PPP4R1: variants seen among roughly 807,000 people sequenced by gnomAD.
PPP4R1 encodes the protein serine/threonine-protein phosphatase 4 regulatory subunit 1.
Under a neutral mutation model 111.2 loss-of-function variants are expected in PPP4R1, and 42 were observed. The observed-to-expected ratio is 0.38, with a 90% CI of 0.29 to 0.49. The LOEUF (loss-of-function observed/expected upper bound fraction) is 0.49. Among genes scored for constraint, PPP4R1 ranks in the 20% least tolerant of loss-of-function variants. The pLI, the probability that PPP4R1 is intolerant of heterozygous loss-of-function variation, is 0.97. For missense variants in PPP4R1, 1,012 were observed against 1,161.6 expected, an observed-to-expected ratio of 0.87 and a Z score of 1.87; for synonymous variants, 409 against 405.5, an observed-to-expected ratio of 1.01 and a Z score of -0.10.
chr18:9,611,338 G>A (rs986608268), intron 2 of PPP4R1, among the ~76,000 whole-genome samples: 1 of 152,012 alleles, frequency 6.6e-6, no homozygotes, highest in Admixed American at 6.6e-5. Flanking sequence ...GATAACAACC[G>A]TGTTATAAGG....
chr18:9,549,368 T>C (rs2144957861), intron 18 of PPP4R1, 30 bp from the exon 19 acceptor site: 1 of 1,568,014 alleles, frequency 6.4e-7, no homozygotes, highest in East Asian at 2.3e-5. Context: ...GCTCTAGGCT[T>C]CTCTGTCAAT....
chr18:9,606,938 A>G (rs1461087231), intron 2 of PPP4R1, among the ~76,000 whole-genome samples: 1 of 152,162 alleles, frequency 6.6e-6, no homozygotes, highest in African/African-American at 2.4e-5. Context: ...CTTTTTTCCC[A>G]CAGGTAATCC....
In PPP4R1 at chr18:9,602,778, G is replaced by A. The variant is rs115502390; in HGVS notation, c.53-7625C>T. ...GGAAGTTGCAGCGAGCTGAAATCGC[G>A]CCACTGCACTCCAACCTGGGCGACG... On this transcript the variant is annotated intron_variant, in intron 2 of 19. Transcript: ENST00000400556. Among the ~76,000 whole-genome samples the A allele has an allele frequency of 9.2e-3, 1,360 of 147,244 alleles. 20 individuals carry two copies. Among genetic ancestry groups the A allele is most frequent in the African/African-American group, 0.033 (1,268 of 38,460 alleles).
chr18:9,552,931 A>G (rs2066512157), intron 16 of PPP4R1, among the ~76,000 whole-genome samples: 1 of 152,220 alleles, frequency 6.6e-6, no homozygotes. Flanking sequence ...CTCCACTTGC[A>G]TGAAATGTCC....
In PPP4R1 at chr18:9,570,177, A is replaced by G. The variant is rs1477889540; in HGVS notation, c.1553T>C (p.Ile518Thr). ...EEMIENLEPHIDDPDVKAQVE... is the reference protein window; with the variant it reads ...EEMIENLEPHTDDPDVKAQVE... ...CATACCTTTAACATCTGGATCATCA[A>G]TGTGGGGCTCTAGATTTTCTATCAT... is the stretch of plus-strand genomic sequence containing the variant. The change falls in exon 11 of 20, where the codon ATT becomes ACT. Residue 518 changes from isoleucine to threonine, a missense_variant. Coordinates refer to ENST00000400556, the MANE Select transcript of PPP4R1 (RefSeq NM_001042388.3). 6 of 1,527,716 alleles carry G rather than the reference A, an allele frequency of 3.9e-6. No homozygotes were observed. The Admixed American group carries it at 6.7e-5, about 17-fold the overall frequency. The allele number at this position is 1,527,716 out of a possible 1,614,324, so 94.6% of individuals were successfully genotyped here. A position where few individuals can be genotyped will look rare whatever the true frequency, so the allele number is the denominator to read the frequency against.
Position 9,588,075 on chromosome 18 carries a change from G to T in PPP4R1, c.585+14C>A. On this transcript the variant is annotated intron_variant, in intron 6 of 19. Coordinates refer to ENST00000400556, the MANE Select transcript of PPP4R1 (RefSeq NM_001042388.3). ...CCACATTTTGCATAAGTGGAAAAAT[G>T]GCATTTGACTTACAGCCACAGCTTC... 1 of 1,613,118 alleles carries T rather than the reference G, an allele frequency of 6.2e-7. No homozygotes were observed. Among genetic ancestry groups the T allele is most frequent in the Non-Finnish European group, 8.5e-7 (1 of 1,179,616 alleles).
intron 2 of PPP4R1, among the ~76,000 whole-genome samples, chr18:9,603,383 T>A (rs1464853496): frequency 1.3e-5 from 2 of 152,184 alleles, no homozygotes; most frequent in African/African-American, 2.4e-5. Flanking sequence ...GATGCCTTTT[T>A]GATAAAATGT....
chr18:9,560,019 C>A (rs1014005446), intron 13 of PPP4R1, among the ~76,000 whole-genome samples: 2 of 152,118 alleles, frequency 1.3e-5, no homozygotes, highest in African/African-American at 4.8e-5. Flanking sequence ...ACCAGCCAGG[C>A]ACAGTGGCTC....
At chr18:9,609,745 T>C (rs2067545789) in intron 2 of PPP4R1, among the ~76,000 whole-genome samples, 1 of 152,236 alleles carries the variant, frequency 6.6e-6, no homozygotes, top group Admixed American at 6.5e-5. Context: ...GCATCCCAGA[T>C]TAATTTTCAA....
intron 18 of PPP4R1, among the ~76,000 whole-genome samples, chr18:9,549,635 G>GT (rs1178223794): frequency 2.6e-5 from 4 of 152,186 alleles, no homozygotes; most frequent in Admixed American, 2.6e-4. Context: ...CCGTGGTATG[G>GT]TATATGTGTG....
At chr18:9,611,178 T>C (rs2067573184) in intron 2 of PPP4R1, among the ~76,000 whole-genome samples, 1 of 152,168 alleles carries the variant, frequency 6.6e-6, no homozygotes, top group Admixed American at 6.5e-5. Flanking sequence ...ACCAAGATTC[T>C]AGAGCTTGAC....
At chr18:9,553,556 G>A in intron 15 of PPP4R1, 134 bp from the exon 16 acceptor site, 1 of 618,034 alleles carries the variant, frequency 1.6e-6, no homozygotes, top group East Asian at 2.8e-5. Context: ...GTATTTAAGT[G>A]TTTTAAAATT....
chr18:9,571,139 T>A (rs576695930), intron 10 of PPP4R1, among the ~76,000 whole-genome samples: 2 of 152,342 alleles, frequency 1.3e-5, no homozygotes, highest in East Asian at 3.9e-4. Flanking sequence ...TTTGCTTACA[T>A]TACACAAGGA....
chr18:9,576,961 T>A, intron 10 of PPP4R1, 103 bp downstream of exon 10: 5 of 1,132,758 alleles, frequency 4.4e-6, no homozygotes, highest in South Asian at 3.3e-5. Flanking sequence ...AATAGCAAAC[T>A]ATCAAAAAAT....
chr18:9,570,218 T>G lies in PPP4R1; in HGVS notation c.1512A>C (p.Arg504Ser). The G allele has an allele frequency of 1.3e-6, 2 of 1,571,822 alleles. No individual in the cohort carries two copies. The highest frequency in any genetic ancestry group is 8.6e-7 in the Non-Finnish European group (1 of 1,162,544). Residue 504 changes from arginine to serine, a missense_variant, in exon 11 of 20, where the codon AGA becomes AGC. Around this residue, in one of 2 missense-constraint regions of PPP4R1, gnomAD observed 707 missense variants for 742.1 expected, o/e 0.95. Coordinates refer to ENST00000400556, the MANE Select transcript of PPP4R1 (RefSeq NM_001042388.3). The stretch of plus-strand genomic sequence containing the variant: ...TTTCTATCATTTCTTCCAGTTCCTT[T>G]CTGGTGGCCATGGTGATGTTTGGAG... ...PSSPNITMAT[R>S]KELEEMIENL...
chr18:9,608,699 AAAC>A (rs1198639417), intron 2 of PPP4R1, among the ~76,000 whole-genome samples: 2 of 152,256 alleles, frequency 1.3e-5, no homozygotes, highest in South Asian at 2.1e-4. Context: ...TCCAATTTAA[AAAC>A]AACAACACAA....
chr18:9,547,248 C>G lies in PPP4R1; in HGVS notation c.*541G>C, dbSNP rs985006255. ...TCCTTTAGGAGATGTAAAAACCCCT[C>G]CTTTCCCATTTGCACACGTCACAAA... is the stretch of plus-strand genomic sequence containing the variant. On this transcript the variant is annotated 3_prime_UTR_variant, in exon 20 of 20. Coordinates refer to ENST00000400556, the MANE Select transcript of PPP4R1 (RefSeq NM_001042388.3). The G allele has an allele frequency of 6.5e-6, 1 of 153,740 alleles. No homozygotes were observed. Among genetic ancestry groups the G allele is most frequent in the Non-Finnish European group, 1.5e-5 (1 of 68,794 alleles). The allele number at this position is 153,740 out of a possible 1,614,324, so 9.5% of individuals were successfully genotyped here.
At chr18:9,617,120 C>T (rs1166004940), upstream of PPP4R1, 1 of 152,094 alleles carries the variant, frequency 6.6e-6, no homozygotes, top group Non-Finnish European at 1.5e-5. Flanking sequence ...TTCTACATAC[C>T]TTTAACCCAG....
At chr18:9,575,125 C>T (rs1168134404) in intron 10 of PPP4R1, among the ~76,000 whole-genome samples, 1 of 152,120 alleles carries the variant, frequency 6.6e-6, no homozygotes, top group Non-Finnish European at 1.5e-5. Context: ...AGATGAAACA[C>T]TATACAATAA....
Sources: gnomAD v4.1 joint callset for allele counts (sites outside exome capture counted in the v4.1 genomes callset) on GRCh38, gnomAD v4.1.1 for gene constraint, gnomAD v4.1.1 regional missense constraint, MANE v1.5 for transcripts, NCBI Gene and HGNC (gene_info 2026-07-23, HGNC 2026-07-21) for gene names.